Variants in SNTB2 observed in about 807,000 individuals in gnomAD.
SNTB2 encodes syntrophin beta 2, also known as beta-2-syntrophin.
In SNTB2, 34 loss-of-function variants were observed where a neutral mutation model predicts 46.2. That is an observed-to-expected ratio of 0.74 (90% CI 0.56 to 0.98). SNTB2 has a LOEUF of 0.98. Ranked by LOEUF, SNTB2 falls within the 50% of genes least tolerant of loss-of-function variation. SNTB2 has a pLI of 0.00. For synonymous variants in SNTB2, 290 were observed against 312.6 expected, an observed-to-expected ratio of 0.93 and a Z score of 0.76; for missense variants, 603 against 731.4, an observed-to-expected ratio of 0.82 and a Z score of 2.02.
At chr16:69,232,208 C>CTTTTTTT (rs34688718) in intron 1 of SNTB2, among the ~76,000 whole-genome samples, 6 of 136,584 alleles carry the variant, frequency 4.4e-5, no homozygotes, top group Non-Finnish European at 9.5e-5. Flanking sequence ...TTTCTTTTTT[C>CTTTTTTT]TTTTTTTTTT....
chr16:69,308,270 T>C lies in SNTB2; in HGVS notation c.*7346T>C, dbSNP rs1965330148. The C allele has an allele frequency of 6.6e-6, 1 of 152,648 alleles. No individual in the cohort carries two copies. The highest frequency in any genetic ancestry group is 6.5e-5 in the Admixed American group (1 of 15,286). The allele number at this position is 152,648 out of a possible 1,614,324, so 9.5% of individuals were successfully genotyped here. ...GTCTTTCCTTCTATCTGGGTCCTGT[T>C]AAAGCGGGTGTCAGTTGTGTCTTTT... On this transcript the variant is annotated 3_prime_UTR_variant, in exon 7 of 7. Coordinates refer to ENST00000336278, the MANE Select transcript of SNTB2 (RefSeq NM_006750.4).
At chr16:69,289,762 A>G (rs1213078752) in intron 5 of SNTB2, among the ~76,000 whole-genome samples, 2 of 152,056 alleles carry the variant, frequency 1.3e-5, no homozygotes, top group Admixed American at 1.3e-4. Flanking sequence ...TCTCTACAAA[A>G]AATTAAAAAA....
chr16:69,195,408 T>G (rs188255468), intron 1 of SNTB2, among the ~76,000 whole-genome samples: 1 of 152,116 alleles, frequency 6.6e-6, no homozygotes. Flanking sequence ...GTAGTTGGGA[T>G]TACAGGCATG....
intron 3 of SNTB2, among the ~76,000 whole-genome samples, chr16:69,269,117 C>T (rs985857883): frequency 2.7e-5 from 4 of 148,754 alleles, no homozygotes; most frequent in East Asian, 2.0e-4. Flanking sequence ...TGCAGTAAGC[C>T]GAGATCGCAC....
intron 5 of SNTB2, among the ~76,000 whole-genome samples, chr16:69,295,731 G>GA (rs540308887): frequency 0.056 from 6,843 of 122,088 alleles, 149 homozygotes; most frequent in Admixed American, 0.073. Flanking sequence ...AATTTATACT[G>GA]AAAAAAAAAA....
At chr16:69,257,169 C>CA (rs35505662) in intron 2 of SNTB2, among the ~76,000 whole-genome samples, 28,288 of 101,508 alleles carry the variant, frequency 0.28, 3,115 homozygotes, top group Middle Eastern at 0.36. Context: ...GACTCCATCT[C>CA]AAAAAAAAAA....
chr16:69,267,065 G>T (rs1377713532), intron 3 of SNTB2, among the ~76,000 whole-genome samples: 1 of 148,654 alleles, frequency 6.7e-6, no homozygotes, highest in Non-Finnish European at 1.5e-5. Flanking sequence ...GTCTCGCTCT[G>T]TTTCCAGGCT....
chr16:69,231,706 A>G (rs1964507866), intron 1 of SNTB2, among the ~76,000 whole-genome samples: 1 of 152,224 alleles, frequency 6.6e-6, no homozygotes, highest in Non-Finnish European at 1.5e-5. Flanking sequence ...TGTCTCCCAG[A>G]TTTTCAATTA....
At chr16:69,257,520 C>T (rs1354766748) in intron 2 of SNTB2, among the ~76,000 whole-genome samples, 1 of 151,822 alleles carries the variant, frequency 6.6e-6, no homozygotes, top group African/African-American at 2.4e-5. Context: ...GATCTCGGCT[C>T]ACTGCAAGCT....
intron 1 of SNTB2, among the ~76,000 whole-genome samples, chr16:69,218,538 C>A (rs1008425891): frequency 6.6e-6 from 1 of 151,982 alleles, no homozygotes; most frequent in Non-Finnish European, 1.5e-5. Context: ...TCTCCTGCCT[C>A]AGCCTCACGA....
Position 69,270,035 on chromosome 16 carries a change from G to C in SNTB2, c.1006-108G>C, listed in dbSNP as rs903775373. Reference sequence around the variant, plus strand: ...GTTTCCTGAATGTAAAGTCCATCAGGTTGGGAAAACAAAATGGAGACCCAT... The same window carrying C: ...GTTTCCTGAATGTAAAGTCCATCAGCTTGGGAAAACAAAATGGAGACCCAT... On this transcript the variant is annotated intron_variant, in intron 3 of 6. Transcript: ENST00000336278. 1.5e-5 allele frequency: 19 copies of C among 1,264,658 alleles called. No individual in the cohort carries two copies. The Admixed American group carries it at 3.2e-4, about 21-fold the overall frequency. 78.3% of individuals were successfully genotyped at this position (1,264,658 alleles called of 1,614,324 possible).
At chr16:69,213,603 G>T (rs1964312502) in intron 1 of SNTB2, among the ~76,000 whole-genome samples, 2 of 151,822 alleles carry the variant, frequency 1.3e-5, no homozygotes, top group South Asian at 4.1e-4. Context: ...GGGTTCAAGT[G>T]ATTCTCCTGC....
chr16:69,203,663 A>G (rs1338763008), intron 1 of SNTB2, among the ~76,000 whole-genome samples: 1 of 152,004 alleles, frequency 6.6e-6, no homozygotes, highest in Non-Finnish European at 1.5e-5. Context: ...GATAGTATTA[A>G]CCTTTGGATT....
At chr16:69,258,298 ATT>A (rs1964798172) in intron 2 of SNTB2, among the ~76,000 whole-genome samples, 2 of 152,096 alleles carry the variant, frequency 1.3e-5, no homozygotes, top group Non-Finnish European at 2.9e-5. Context: ...TATCTTAGTC[ATT>A]TATTTATTTA....
In SNTB2 at chr16:69,308,074, G is replaced by T. The variant is rs1441919231; in HGVS notation, c.*7150G>T. The T allele has an allele frequency of 3.9e-5, 6 of 152,602 alleles. No individual in the cohort carries two copies. Among genetic ancestry groups the T allele is most frequent in the African/African-American group, 1.2e-4 (5 of 41,460 alleles). 9.5% of individuals were successfully genotyped at this position (152,602 alleles called of 1,614,324 possible). ...GCACAGGAAACCGAATCACATGGGTGCCCTCCCCTTGGTTTTCAAGTATCT... is the reference window on the plus strand; with the variant it reads ...GCACAGGAAACCGAATCACATGGGTTCCCTCCCCTTGGTTTTCAAGTATCT... On this transcript the variant is annotated 3_prime_UTR_variant, in exon 7 of 7. Coordinates refer to ENST00000336278, the MANE Select transcript of SNTB2 (RefSeq NM_006750.4).
chr16:69,215,691 G>T (rs1372764235), intron 1 of SNTB2, among the ~76,000 whole-genome samples: 1 of 152,182 alleles, frequency 6.6e-6, no homozygotes, highest in Admixed American at 6.5e-5. Context: ...ATTTAAGAAG[G>T]TGCTGAGAGG....
chr16:69,224,721 C>A (rs1964443367), intron 1 of SNTB2, among the ~76,000 whole-genome samples: 1 of 152,186 alleles, frequency 6.6e-6, no homozygotes, highest in Admixed American at 6.5e-5. Context: ...CCTTCTCCTC[C>A]ATTTATGTAT....
In SNTB2 at chr16:69,300,844, C is replaced by T; in HGVS notation, c.1543C>T (p.His515Tyr). 1 of 1,613,006 alleles carries T rather than the reference C, an allele frequency of 6.2e-7. No individual in the cohort carries two copies. Among genetic ancestry groups the T allele is most frequent in the South Asian group, 1.1e-5 (1 of 91,064 alleles). Residue 515 changes from histidine (H) to tyrosine (Y), a missense_variant, in exon 7 of 7, where the codon CAC (histidine) becomes TAC (tyrosine). By Grantham distance (83) the His-to-Tyr change is moderately conservative. Coordinates refer to ENST00000336278, the MANE Select transcript of SNTB2 (RefSeq NM_006750.4). ...CCTTTCTCCACAGACCATGGACCTG[C>T]ACTCTTGTCCGAAGCCGATTGTATT... ...GPEGELTMDL[H>Y]SCPKPIVFVL...
intron 4 of SNTB2, among the ~76,000 whole-genome samples, chr16:69,277,741 T>C (rs1198623071): frequency 2.0e-5 from 3 of 152,266 alleles, no homozygotes; most frequent in Non-Finnish European, 4.4e-5. Context: ...AAAGAGATTT[T>C]ATTTATTTCT....
Sources: gnomAD v4.1 joint callset for allele counts (sites outside exome capture counted in the v4.1 genomes callset) on GRCh38, gnomAD v4.1.1 for gene constraint, MANE v1.5 for transcripts, NCBI Gene and HGNC (gene_info 2026-07-23, HGNC 2026-07-21) for gene names.